The following SLC13A4 variants were observed in gnomAD, a reference collection of about 807,000 sequenced individuals.
SLC13A4 encodes the protein Na(+)/sulfate cotransporter SUT-1.
Under a neutral mutation model 72.7 loss-of-function variants are expected in SLC13A4, and 28 were observed. The ratio of observed to expected loss-of-function variants is 0.39; its 90% CI spans 0.29 to 0.53. SLC13A4 has a LOEUF of 0.53. Ranked by LOEUF, SLC13A4 falls within the 20% of genes least tolerant of loss-of-function variation. The pLI, the probability that SLC13A4 is intolerant of heterozygous loss-of-function variation, is 0.78. For missense variants in SLC13A4, 653 were observed against 788.0 expected, an observed-to-expected ratio of 0.83 and a Z score of 2.05; for synonymous variants, 312 against 325.5, an observed-to-expected ratio of 0.96 and a Z score of 0.45.
chr7:135,682,192 G>T (rs966915612), intron 15 of SLC13A4, among the ~76,000 whole-genome samples: 1 of 152,152 alleles, frequency 6.6e-6, no homozygotes, highest in Non-Finnish European at 1.5e-5. Flanking sequence ...TGGGGAAACG[G>T]TTTAGCTGCC....
chr7:135,701,985 C>T (rs1054641341), intron 6 of SLC13A4: 7 of 473,670 alleles, frequency 1.5e-5, no homozygotes, highest in African/African-American at 1.0e-4. Context: ...CTAGGCAGAA[C>T]ATGGCTCTGC....
At chr7:135,688,344 C>T (rs1795688379) in intron 13 of SLC13A4, among the ~76,000 whole-genome samples, 1 of 151,994 alleles carries the variant, frequency 6.6e-6, no homozygotes, top group Non-Finnish European at 1.5e-5. Context: ...GCAACCTCCT[C>T]CTCCTGGGTT....
At chr7:135,684,870 A>G (rs369962810) in intron 14 of SLC13A4, among the ~76,000 whole-genome samples, 2 of 152,086 alleles carry the variant, frequency 1.3e-5, no homozygotes, top group East Asian at 3.9e-4. Context: ...AGGGGCCTTC[A>G]TTTCCTGGAT....
At chr7:135,685,734 G>T in intron 13 of SLC13A4, 51 bp from the exon 14 acceptor site, 1 of 1,531,304 alleles carries the variant, frequency 6.5e-7, no homozygotes, top group Non-Finnish European at 9.0e-7. Context: ...GCACATCCCA[G>T]CTAGAGATCT....
chr7:135,691,176 C>CA (rs201222459), intron 13 of SLC13A4, 25 bp downstream of exon 13: 10 of 1,415,514 alleles, frequency 7.1e-6, no homozygotes, highest in African/African-American at 4.5e-5. Context: ...AAAAAAACCC[C>CA]AAAAAAACAG....
intron 1 of SLC13A4, among the ~76,000 whole-genome samples, chr7:135,724,421 C>A (rs542533065): frequency 6.8e-6 from 1 of 147,264 alleles, no homozygotes; most frequent in Admixed American, 6.8e-5. Flanking sequence ...CCCTTGAACC[C>A]GGGAGGCAGA....
Position 135,706,307 on chromosome 7 carries a change from G to A in SLC13A4, c.366-7C>T, listed in dbSNP as rs1167108703. 3 of 1,597,974 alleles carry A rather than the reference G, an allele frequency of 1.9e-6. No homozygotes were observed. The Middle Eastern group carries it at 5.0e-4, about 265-fold the overall frequency. ...CATGAAGCAGAGCAGCAGCCTGGAA[G>A]GCAGGGAGGGTTGGGGCAGAGCGTC... On this transcript the variant is annotated splice_polypyrimidine_tract_variant and splice_region_variant and intron_variant, in intron 3 of 15. Transcript: ENST00000682651.
intron 2 of SLC13A4, among the ~76,000 whole-genome samples, chr7:135,710,440 T>C (rs1198901521): frequency 2.0e-5 from 3 of 152,142 alleles, no homozygotes; most frequent in African/African-American, 7.2e-5. Flanking sequence ...TCATCTGCTA[T>C]AACAAGAAGT....
At position 135,699,356 on chromosome 7, in the gene SLC13A4, T is replaced by C; in HGVS notation, c.899+8A>G. 1 of 1,606,312 alleles carries C rather than the reference T, an allele frequency of 6.2e-7. No homozygotes were observed. Among genetic ancestry groups the C allele is most frequent in the Middle Eastern group, 1.7e-4 (1 of 6,038 alleles). ...AGTAAATATTTGTTGACCAAGTGAATCACTTACTTGTTGAAGTGTTCCAGG... is the reference window on the plus strand; with the variant it reads ...AGTAAATATTTGTTGACCAAGTGAACCACTTACTTGTTGAAGTGTTCCAGG... On this transcript the variant is annotated splice_region_variant and intron_variant, in intron 8 of 15. Coordinates refer to ENST00000682651, the MANE Select transcript of SLC13A4 (RefSeq NM_001318192.2).
Position 135,706,142 on chromosome 7 carries a change from T to A in SLC13A4, c.524A>T (p.Glu175Val). 2 of 1,602,980 alleles carry A rather than the reference T, an allele frequency of 1.2e-6. No homozygotes were observed. Among genetic ancestry groups the A allele is most frequent in the Non-Finnish European group, 1.7e-6 (2 of 1,171,532 alleles). Residue 175 changes from glutamate (E) to valine (V), a missense_variant, in exon 4 of 16, where the codon GAG (glutamate) becomes GTG (valine). Transcript: ENST00000682651. The part of the protein sequence containing the change: ...QLVAGNSNTE[E>V]AEPISLDVKN... ...GCAAACTGTACTGATGGGTTCGGCC[T>A]CTTCGGTGTTGGAGTTGCCCGCCAC...
intron 5 of SLC13A4, 141 bp downstream of exon 5, chr7:135,705,455 C>T (rs986060542): frequency 3.7e-5 from 19 of 518,306 alleles, no homozygotes; most frequent in Admixed American, 2.8e-4. Context: ...GGAGGTTGGG[C>T]GGGGTGGGGG....
intron 2 of SLC13A4, among the ~76,000 whole-genome samples, chr7:135,719,817 G>A (rs60282086): frequency 7.1e-5 from 10 of 140,604 alleles, no homozygotes; most frequent in African/African-American, 2.2e-4. Context: ...GTGTGTGTGT[G>A]TGTGTGTGTG....
chr7:135,711,645 C>G (rs1156411607), intron 2 of SLC13A4, among the ~76,000 whole-genome samples: 1 of 152,198 alleles, frequency 6.6e-6, no homozygotes, highest in Non-Finnish European at 1.5e-5. Flanking sequence ...GCCTCCTAGA[C>G]AGCCTGCCAC....
chr7:135,727,400 T>A lies in SLC13A4; in HGVS notation c.97A>T (p.Ser33Cys). 3 of 1,549,388 alleles carry A rather than the reference T, an allele frequency of 1.9e-6. No individual in the cohort carries two copies. The highest frequency in any genetic ancestry group is 2.6e-6 in the Non-Finnish European group (3 of 1,146,880). ...GGTGGGCGCAGGTCGGTACTCACGC[T>A]GCTGGGGTGGAGGACGGGCAGAGGC... ...LLPLPVLHPS[S>C]EASCAYVLIV... Residue 33 changes from serine (S) to cysteine (C), a missense_variant and splice_region_variant, in exon 1 of 16, where the codon AGC (serine) becomes TGC (cysteine). Coordinates refer to ENST00000682651, the MANE Select transcript of SLC13A4 (RefSeq NM_001318192.2).
At chr7:135,703,094 G>A in intron 5 of SLC13A4, 1 of 577,002 alleles carries the variant, frequency 1.7e-6, no homozygotes, top group South Asian at 2.1e-5. Flanking sequence ...TTCCTTCTGA[G>A]GGCAGGGGCA....
At chr7:135,681,828 C>CA (rs145774219) in intron 15 of SLC13A4, 128 bp from the exon 16 acceptor site, 51,637 of 1,300,886 alleles carry the variant, frequency 0.04, 1,159 homozygotes, top group Middle Eastern at 0.062. Context: ...GCCTGGGGTG[C>CA]TCTAGCATTG....
chr7:135,724,907 T>C (rs2129495600), intron 1 of SLC13A4, among the ~76,000 whole-genome samples: 1 of 152,316 alleles, frequency 6.6e-6, no homozygotes, highest in East Asian at 1.9e-4. Flanking sequence ...CAAAGTTTGC[T>C]TACAAGGAGT....
chr7:135,711,747 C>T (rs1462656694), intron 2 of SLC13A4, among the ~76,000 whole-genome samples: 2 of 151,934 alleles, frequency 1.3e-5, no homozygotes, highest in East Asian at 1.9e-4. Context: ...CATTTCTTGT[C>T]GTGTTTTTGT....
In SLC13A4 at chr7:135,727,797, A is replaced by G; in HGVS notation, c.-301T>C. 2.8e-6 allele frequency: 1 copy of G among 352,182 alleles called. No homozygotes were observed. The allele number at this position is 352,182 out of a possible 1,614,324, so 21.8% of individuals were successfully genotyped here. A position where few individuals can be genotyped will look rare whatever the true frequency, so the allele number is the denominator to read the frequency against. On this transcript the variant is annotated 5_prime_UTR_variant, in exon 1 of 16. Transcript: ENST00000682651. ...GGGCCTCCTCTCGGCTTGATTAGTA[A>G]TAGAGTAACTTCATTCTAGGTGTCA...
Sources: gnomAD v4.1 joint callset for allele counts (sites outside exome capture counted in the v4.1 genomes callset) on GRCh38, gnomAD v4.1.1 for gene constraint, MANE v1.5 for transcripts, NCBI Gene and HGNC (gene_info 2026-07-23, HGNC 2026-07-21) for gene names.